SLC4A4: variants seen among roughly 807,000 people sequenced by gnomAD.
SLC4A4 encodes the protein solute carrier family 4 member 4.
A neutral mutation model predicts 111.5 loss-of-function variants in SLC4A4; 27 were observed. That is an observed-to-expected ratio of 0.24 (90% CI 0.18 to 0.33). The LOEUF is 0.33. Ranked by LOEUF, SLC4A4 falls within the 10% of genes least tolerant of loss-of-function variation. The pLI is 1.00. For synonymous variants in SLC4A4, 443 were observed against 463.4 expected, an observed-to-expected ratio of 0.96 and a Z score of 0.57; for missense variants, 909 against 1,315.5, an observed-to-expected ratio of 0.69 and a Z score of 4.78.
At chr4:71,531,953 C>T (rs1436243138) in intron 16 of SLC4A4, 109 bp from the exon 17 acceptor site, 2 of 715,016 alleles carry the variant, frequency 2.8e-6, no homozygotes, top group Admixed American at 4.2e-5. Context: ...GTTGATGAAG[C>T]TGTTGCTATA....
chr4:71,436,168 T>C (rs1263947744), intron 7 of SLC4A4, among the ~76,000 whole-genome samples: 2 of 152,152 alleles, frequency 1.3e-5, no homozygotes, highest in African/African-American at 2.4e-5. Context: ...CAAATGCCTA[T>C]AAATGATAGA....
At chr4:71,088,593 A>G (rs1742271193) in intron 1 of SLC4A4, among the ~76,000 whole-genome samples, 1 of 151,964 alleles carries the variant, frequency 6.6e-6, no homozygotes, top group African/African-American at 2.4e-5. Flanking sequence ...CTTTTTGGGC[A>G]GACTTGGTGG....
rs546450634 is a variant in SLC4A4 at position 71,401,586 on chromosome 4, C to A, written c.807+3933C>A. Reference sequence around the variant, plus strand: ...CATTTCTTCTTATTCTTTTTCTGTTCTTTTAAAAATTTACATGTGAGGTGG... The same window carrying A: ...CATTTCTTCTTATTCTTTTTCTGTTATTTTAAAAATTTACATGTGAGGTGG... On this transcript the variant is annotated intron_variant, in intron 7 of 25. Transcript: ENST00000264485. Among the ~76,000 whole-genome samples, 3 of 151,986 alleles carry A rather than the reference C, an allele frequency of 2.0e-5. No individual in the cohort carries two copies. The South Asian group carries it at 6.2e-4, about 32-fold the overall frequency.
At chr4:71,095,460 A>G (rs1742517719) in intron 2 of SLC4A4, among the ~76,000 whole-genome samples, 1 of 152,154 alleles carries the variant, frequency 6.6e-6, no homozygotes, top group South Asian at 2.1e-4. Context: ...GGATTAAGAA[A>G]ATGTAGGACT....
chr4:71,333,114 T>C (rs747706510), intron 3 of SLC4A4, among the ~76,000 whole-genome samples: 5 of 152,222 alleles, frequency 3.3e-5, no homozygotes, highest in Non-Finnish European at 7.3e-5. Context: ...GAGTTAGGTA[T>C]TTATTGTAGT....
intron 3 of SLC4A4, among the ~76,000 whole-genome samples, chr4:71,305,302 G>A (rs543972617): frequency 5.9e-5 from 9 of 152,302 alleles, no homozygotes; most frequent in African/African-American, 1.7e-4. Flanking sequence ...AACCTTTGGT[G>A]ATTGACTTAA....
At chr4:71,394,709 CTG>C (rs1462970592) in intron 6 of SLC4A4, among the ~76,000 whole-genome samples, 10 of 152,010 alleles carry the variant, frequency 6.6e-5, no homozygotes, top group Non-Finnish European at 1.0e-4. Flanking sequence ...GATAAAGAAA[CTG>C]TGGTATATTT....
chr4:71,121,107 T>C (rs4694377), intron 2 of SLC4A4, among the ~76,000 whole-genome samples: 116,533 of 152,002 alleles, frequency 0.77, 46,928 homozygotes, highest in Admixed American at 0.88. Flanking sequence ...GGTCCCCCAG[T>C]AGGGCTGGCT....
chr4:71,130,967 T>C (rs940099331), intron 2 of SLC4A4, among the ~76,000 whole-genome samples: 3 of 152,186 alleles, frequency 2.0e-5, no homozygotes. Context: ...AGTTCTCCCC[T>C]GTACACATCT....
upstream of SLC4A4, among the ~76,000 whole-genome samples, chr4:71,186,442 C>G (rs1745451711): frequency 6.6e-6 from 1 of 152,228 alleles, no homozygotes; most frequent in East Asian, 1.9e-4. Context: ...GCTCTCCCCA[C>G]TGGGGAACTC....
intron 15 of SLC4A4, among the ~76,000 whole-genome samples, chr4:71,494,535 A>G (rs1313471566): frequency 6.6e-6 from 1 of 152,002 alleles, no homozygotes; most frequent in African/African-American, 2.4e-5. Context: ...GGCTAGTCTC[A>G]AATTCCTGGT....
intron 1 of SLC4A4, among the ~76,000 whole-genome samples, chr4:71,201,667 C>T (rs16845985): frequency 0.12 from 18,108 of 152,212 alleles, 1,766 homozygotes; most frequent in African/African-American, 0.25. Flanking sequence ...CTGACTTTAT[C>T]AGCCCTACCT....
At chr4:71,101,010 A>C in intron 2 of SLC4A4, among the ~76,000 whole-genome samples, 1 of 152,228 alleles carries the variant, frequency 6.6e-6, no homozygotes, top group Non-Finnish European at 1.5e-5. Context: ...CTGTAATCCC[A>C]GCACTTTGGG....
At position 71,276,643 on chromosome 4, in the gene SLC4A4, GTTCA is replaced by G. The variant is rs199961892; in HGVS notation, c.253+21247_253+21250del. 4.4e-3 allele frequency among the ~76,000 whole-genome samples: 658 copies of G among 149,492 alleles called. 4 individuals are homozygous for G. The highest frequency in any genetic ancestry group is 0.018 in the Middle Eastern group (5 of 280). On this transcript the variant is annotated intron_variant, in intron 3 of 25. Coordinates refer to ENST00000264485, the MANE Select transcript of SLC4A4 (RefSeq NM_001098484.3). ...AGTTCCATCTAAGTTGTTGCAAATC[GTTCA>G]TTATTTTTGTTGCTGAGCAGTATTC...
intron 2 of SLC4A4, among the ~76,000 whole-genome samples, chr4:71,136,029 A>C (rs538807830): frequency 2.6e-5 from 4 of 152,366 alleles, no homozygotes; most frequent in African/African-American, 9.6e-5. Context: ...ATAGTGCTGC[A>C]GAGACAGAAG....
intron 3 of SLC4A4, among the ~76,000 whole-genome samples, chr4:71,328,485 A>G (rs558865325): frequency 1.3e-5 from 2 of 152,058 alleles, no homozygotes; most frequent in Admixed American, 6.5e-5. Flanking sequence ...GCCAGCATTC[A>G]TTATTGCCTG....
intron 2 of SLC4A4, among the ~76,000 whole-genome samples, chr4:71,175,502 T>G (rs1210984385): frequency 1.3e-5 from 2 of 152,192 alleles, no homozygotes; most frequent in Non-Finnish European, 2.9e-5. Context: ...TTTCCAATGG[T>G]CTTAGCAAAC....
At chr4:71,246,439 G>T (rs376785637) in intron 2 of SLC4A4, among the ~76,000 whole-genome samples, 5 of 152,258 alleles carry the variant, frequency 3.3e-5, no homozygotes, top group African/African-American at 7.2e-5. Flanking sequence ...AGAAGCACCT[G>T]GAAGAACAGG....
At chr4:71,127,965 G>A (rs980928551) in intron 2 of SLC4A4, among the ~76,000 whole-genome samples, 1 of 152,168 alleles carries the variant, frequency 6.6e-6, no homozygotes, top group African/African-American at 2.4e-5. Flanking sequence ...GTGCAGGACT[G>A]TAGTCTCAGC....
Sources: allele counts gnomAD v4.1 joint callset (sites outside exome capture counted in the v4.1 genomes callset), GRCh38; gene constraint gnomAD v4.1.1; transcripts MANE v1.5; gene names NCBI Gene and HGNC (gene_info 2026-07-23, HGNC 2026-07-21).